BBS9: variants seen among roughly 807,000 people sequenced by gnomAD.
BBS9 encodes Bardet-Biedl syndrome 9, also known as protein PTHB1.
In BBS9, 89 loss-of-function variants were observed where a neutral mutation model predicts 117.7. The ratio of observed to expected loss-of-function variants is 0.76; its 90% CI spans 0.64 to 0.90. The LOEUF is 0.90. Ranked by LOEUF, BBS9 falls within the 40% of genes least tolerant of loss-of-function variation. BBS9 has a pLI of 0.00. For synonymous variants in BBS9, 379 were observed against 370.9 expected (o/e 1.02, Z -0.25); for missense variants, 982 against 1,042.2 (o/e 0.94, Z 0.80).
At chr7:33,418,230 T>C (rs1832316257) in intron 19 of BBS9, among the ~76,000 whole-genome samples, 1 of 152,188 alleles carries the variant, frequency 6.6e-6, no homozygotes, top group Non-Finnish European at 1.5e-5. Flanking sequence ...GATCCATGTG[T>C]TCATTTGTTG....
chr7:33,493,153 C>G (rs1844250218), intron 19 of BBS9, among the ~76,000 whole-genome samples: 1 of 152,040 alleles, frequency 6.6e-6, no homozygotes, highest in African/African-American at 2.4e-5. Context: ...AGCCACTATG[C>G]CCGGCTAATT....
intron 19 of BBS9, among the ~76,000 whole-genome samples, chr7:33,482,435 T>C (rs1271230647): frequency 6.6e-6 from 1 of 152,114 alleles, no homozygotes; most frequent in African/African-American, 2.4e-5. Context: ...TCATGGCCTG[T>C]TTTTTAGGTT....
chr7:33,323,620 A>T (rs1812179911), intron 9 of BBS9, among the ~76,000 whole-genome samples: 1 of 151,642 alleles, frequency 6.6e-6, no homozygotes, highest in African/African-American at 2.4e-5. Context: ...TTGTTAGTCT[A>T]TTTGTGTCTT....
intron 19 of BBS9, among the ~76,000 whole-genome samples, chr7:33,392,538 G>A (rs768568730): frequency 6.6e-6 from 1 of 152,194 alleles, no homozygotes; most frequent in African/African-American, 2.4e-5. Flanking sequence ...TGTTCCATTG[G>A]CTTTGGTCAA....
chr7:33,154,967 T>G (rs548272626), intron 3 of BBS9, among the ~76,000 whole-genome samples: 7 of 152,332 alleles, frequency 4.6e-5, no homozygotes, highest in Admixed American at 4.6e-4. Flanking sequence ...TCTTTACTCA[T>G]TAACAACCCC....
intron 7 of BBS9, among the ~76,000 whole-genome samples, chr7:33,266,837 G>A (rs974090546): frequency 6.6e-6 from 1 of 151,984 alleles, no homozygotes; most frequent in African/African-American, 2.4e-5. Context: ...CCGCCTCCCG[G>A]GTTCAAGTGA....
chr7:33,301,813 TTATGGTAGCTC>T (rs1409517852), intron 9 of BBS9, among the ~76,000 whole-genome samples: 14 of 152,206 alleles, frequency 9.2e-5, no homozygotes, highest in Non-Finnish European at 2.1e-4. Flanking sequence ...TTGCTGGATC[TTATGGTAGCTC>T]TATTTTTAGT....
At chr7:33,204,002 C>T (rs1207205737) in intron 5 of BBS9, among the ~76,000 whole-genome samples, 2 of 151,048 alleles carry the variant, frequency 1.3e-5, no homozygotes, top group Middle Eastern at 3.2e-3. Context: ...GGATTACAGT[C>T]GTGAGCCACC....
At chr7:33,615,592 A>G (rs1318694970) in intron 21 of BBS9, among the ~76,000 whole-genome samples, 3 of 152,262 alleles carry the variant, frequency 2.0e-5, no homozygotes, top group Middle Eastern at 3.4e-3. Flanking sequence ...TTAGACATCT[A>G]CAGAGATGTA....
At chr7:33,418,164 T>C (rs900037574) in intron 19 of BBS9, among the ~76,000 whole-genome samples, 5 of 152,206 alleles carry the variant, frequency 3.3e-5, no homozygotes, top group Non-Finnish European at 7.3e-5. Flanking sequence ...CAGCATTGTA[T>C]TGGTTTCTCT....
intron 19 of BBS9, among the ~76,000 whole-genome samples, chr7:33,440,253 A>C (rs1423693069): frequency 6.6e-6 from 1 of 152,214 alleles, no homozygotes; most frequent in African/African-American, 2.4e-5. Flanking sequence ...GTTATAACGT[A>C]CCATACAAAT....
chr7:33,487,255 T>A (rs938866672), intron 19 of BBS9, among the ~76,000 whole-genome samples: 1 of 152,206 alleles, frequency 6.6e-6, no homozygotes, highest in Admixed American at 6.5e-5. Flanking sequence ...TTCCAAATGC[T>A]ATGGGGTTTT....
intron 9 of BBS9, among the ~76,000 whole-genome samples, chr7:33,294,226 C>T (rs897092034): frequency 2.6e-5 from 4 of 152,008 alleles, no homozygotes; most frequent in Non-Finnish European, 5.9e-5. Context: ...TTAGCAGCAG[C>T]AACCCTCCCC....
intron 9 of BBS9, among the ~76,000 whole-genome samples, chr7:33,299,688 C>G (rs2128420723): frequency 6.6e-6 from 1 of 151,370 alleles, no homozygotes; most frequent in Admixed American, 6.6e-5. Flanking sequence ...TTTATTAAGC[C>G]TGTGCTTTGC....
At chr7:33,599,902 G>A (rs1005086732) in intron 21 of BBS9, among the ~76,000 whole-genome samples, 2 of 152,080 alleles carry the variant, frequency 1.3e-5, no homozygotes, top group Non-Finnish European at 2.9e-5. Flanking sequence ...TAGACATCCT[G>A]CGCTGGTGGG....
chr7:33,374,145 C>A (rs1464859653), intron 17 of BBS9, among the ~76,000 whole-genome samples: 2 of 152,018 alleles, frequency 1.3e-5, no homozygotes, highest in African/African-American at 4.8e-5. Flanking sequence ...GCTGTTATAT[C>A]CCAAAGGATT....
intron 9 of BBS9, among the ~76,000 whole-genome samples, chr7:33,293,889 G>A (rs1053940007): frequency 9.3e-5 from 14 of 149,768 alleles, no homozygotes; most frequent in Admixed American, 2.6e-4. Flanking sequence ...CTTTTTCTTC[G>A]TGAAGAGATC....
At chr7:33,254,604 C>T (rs928879540) in intron 5 of BBS9, among the ~76,000 whole-genome samples, 5 of 152,122 alleles carry the variant, frequency 3.3e-5, no homozygotes. Context: ...CATTAGGTCT[C>T]CAGAACTTAC....
rs528154069 is a variant in BBS9, at chr7:33,518,540, C to T, written c.2298+12895C>T. On this transcript the variant is annotated intron_variant, in intron 20 of 22. Transcript: ENST00000242067. ...CTGGGATTACAGGCGTGAGCCACCG[C>T]GCCCGGCCTATATTCTTATATTATC... 2.0e-3 allele frequency among the ~76,000 whole-genome samples: 304 copies of T among 152,202 alleles called. 1 individual carries two copies. Among genetic ancestry groups the T allele is most frequent in the African/African-American group, 6.7e-3 (279 of 41,518 alleles).
Sources: gnomAD v4.1 joint callset for allele counts (sites outside exome capture counted in the v4.1 genomes callset) on GRCh38, gnomAD v4.1.1 for gene constraint, MANE v1.5 for transcripts, NCBI Gene and HGNC (gene_info 2026-07-23, HGNC 2026-07-21) for gene names.